The following DOCK11 variants were observed in gnomAD, a reference collection of about 807,000 sequenced individuals.
DOCK11 encodes dedicator of cytokinesis protein 11.
DOCK11 carries 70 observed loss-of-function variants against 169.1 expected under a neutral mutation model. The observed-to-expected ratio is 0.41, with a 90% CI of 0.34 to 0.51. The LOEUF (loss-of-function observed/expected upper bound fraction) is 0.51, where lower values mean the gene tolerates loss of function less well. Among genes scored for constraint, DOCK11 ranks in the 20% least tolerant of loss-of-function variants. The pLI is 0.10. For missense variants in DOCK11, 1,166 were observed against 1,538.8 expected, an observed-to-expected ratio of 0.76 and a Z score of 4.05; for synonymous variants, 529 against 541.3, an observed-to-expected ratio of 0.98 and a Z score of 0.32.
intron 6 of DOCK11, among the ~76,000 whole-genome samples, chrX:118,552,501 T>C (rs2012533849): frequency 8.9e-6 from 1 of 112,469 alleles, no homozygotes; most frequent in Non-Finnish European, 1.9e-5. Flanking sequence ...CCCCCTGCTC[T>C]GGTCAGTTGT....
chrX:118,665,217 C>G (rs1603178278), intron 45 of DOCK11, among the ~76,000 whole-genome samples: 1 of 112,428 alleles, frequency 8.9e-6, no homozygotes, highest in Admixed American at 9.4e-5. Context: ...TCCTTTTACC[C>G]TCAGAACCTA....
chrX:118,648,596 ATAATATAT>A (rs2015866544), intron 40 of DOCK11, among the ~76,000 whole-genome samples: 1 of 86,903 alleles, frequency 1.2e-5, no homozygotes, highest in Admixed American at 1.4e-4. Context: ...TATAATATAT[ATAATATAT>A]TAATATATAA....
chrX:118,600,768 A>G (rs1261510733), intron 23 of DOCK11, among the ~76,000 whole-genome samples: 1 of 110,549 alleles, frequency 9.0e-6, no homozygotes, highest in African/African-American at 3.3e-5. Flanking sequence ...TGAGAGTGCC[A>G]GCCATGTGGA....
rs774308257 is a variant in DOCK11, at chrX:118,610,916, G to A, written c.3096+498G>A. On this transcript the variant is annotated intron_variant, in intron 28 of 52. Coordinates refer to ENST00000276202, the MANE Select transcript of DOCK11 (RefSeq NM_144658.4). ...CAGCTGGGTGTGGTGGCAGGCACCT[G>A]TAATCCCAGCTACTTGGGAGGCTGA... Among the ~76,000 whole-genome samples, 14 of 111,220 alleles carry A rather than the reference G, an allele frequency of 1.3e-4. No homozygotes were observed. The East Asian group carries it at 3.4e-3, about 27-fold the overall frequency.
intron 28 of DOCK11, 118 bp downstream of exon 28, chrX:118,610,536 C>T: frequency 1.2e-6 from 1 of 802,124 alleles, no homozygotes; most frequent in Non-Finnish European, 1.7e-6. Context: ...TGTTGGAAAA[C>T]TTAGGTTGCT....
intron 1 of DOCK11, chrX:118,538,747 A>G: frequency 1.6e-6 from 1 of 616,493 alleles, no homozygotes; most frequent in Non-Finnish European, 1.9e-6. Flanking sequence ...GCACCTTTGC[A>G]GGCCAATCAG....
chrX:118,633,039 CT>C (rs1277220089), intron 35 of DOCK11: 1 of 106,855 alleles, frequency 9.4e-6, no homozygotes, highest in Non-Finnish European at 1.9e-5. Context: ...TGTGTCTTCA[CT>C]TTTCTCTTTA....
chrX:118,677,485 C>T (rs1177291528), intron 48 of DOCK11, among the ~76,000 whole-genome samples: 1 of 111,893 alleles, frequency 8.9e-6, no homozygotes, highest in East Asian at 2.8e-4. Flanking sequence ...GTAGGAAGCT[C>T]ATATAAAGTT....
At chrX:118,548,655 T>C (rs1389936287) in intron 6 of DOCK11, among the ~76,000 whole-genome samples, 2 of 111,345 alleles carry the variant, frequency 1.8e-5, no homozygotes, top group Non-Finnish European at 3.8e-5. Context: ...GCAGGCAGCT[T>C]CTAGAAGCCG....
intron 1 of DOCK11, among the ~76,000 whole-genome samples, chrX:118,542,145 G>A (rs926154171): frequency 9.1e-6 from 1 of 110,012 alleles, no homozygotes; most frequent in African/African-American, 3.3e-5. Flanking sequence ...CACAGATTAA[G>A]TAGAATAACA....
At chrX:118,657,546 A>T (rs148475196) in intron 44 of DOCK11, among the ~76,000 whole-genome samples, 8 of 112,058 alleles carry the variant, frequency 7.1e-5, no homozygotes, top group Non-Finnish European at 1.3e-4. Context: ...TAAATTAGAA[A>T]ACCTTATTCT....
chrX:118,588,432 G>A lies in DOCK11; in HGVS notation c.2000G>A (p.Cys667Tyr). The change falls in exon 18 of 53, where the codon TGT becomes TAT. Residue 667 changes from cysteine (C) to tyrosine (Y), a missense_variant. Cys to Tyr is a radical substitution (Grantham distance 194). Coordinates refer to ENST00000276202, the MANE Select transcript of DOCK11 (RefSeq NM_144658.4). ...TTTTAGGCAAGGAACATTGCAGTCT[G>A]TGTGGAATTCCGGGATTCAGATGAA... ...TFAKARNIAVCVEFRDSDESD... is the reference protein window; with the variant it reads ...TFAKARNIAVYVEFRDSDESD... 8.4e-7 allele frequency: 1 copy of A among 1,192,427 alleles called. No individual in the cohort carries two copies. Among genetic ancestry groups the A allele is most frequent in the South Asian group, 1.9e-5 (1 of 53,201 alleles).
intron 48 of DOCK11, among the ~76,000 whole-genome samples, 183 bp downstream of exon 48, chrX:118,676,920 T>A (rs1324686747): frequency 9.0e-6 from 1 of 111,596 alleles, no homozygotes; most frequent in African/African-American, 3.3e-5. Flanking sequence ...TCTCTGCCAC[T>A]CACTAGCTGT....
At chrX:118,542,692 A>G in intron 1 of DOCK11, 33 bp from the exon 2 acceptor site, 1 of 1,031,263 alleles carries the variant, frequency 9.7e-7, no homozygotes, top group Non-Finnish European at 1.4e-6. Flanking sequence ...TGTGAGTTTG[A>G]TCATAATAAC....
intron 24 of DOCK11, among the ~76,000 whole-genome samples, chrX:118,607,531 C>T (rs1331924393): frequency 4.7e-5 from 5 of 105,333 alleles, no homozygotes; most frequent in Non-Finnish European, 9.7e-5. Context: ...ACGCCATTCT[C>T]CTGCCTCAGC....
At chrX:118,549,862 T>C (rs1277287357) in intron 6 of DOCK11, among the ~76,000 whole-genome samples, 2 of 112,035 alleles carry the variant, frequency 1.8e-5, no homozygotes, top group Non-Finnish European at 3.8e-5. Flanking sequence ...CCACCATGCC[T>C]GGCTACTACA....
chrX:118,625,338 G>T (rs2015076873), intron 32 of DOCK11, among the ~76,000 whole-genome samples: 1 of 110,225 alleles, frequency 9.1e-6, no homozygotes, highest in African/African-American at 3.3e-5. Context: ...TGTATATTTA[G>T]TAGAGACGGT....
intron 30 of DOCK11, among the ~76,000 whole-genome samples, chrX:118,616,507 TG>T (rs781540210): frequency 3.7e-5 from 4 of 108,724 alleles, no homozygotes; most frequent in Non-Finnish European, 7.6e-5. Flanking sequence ...AGGCCATGGA[TG>T]GGGAACTGGA....
At chrX:118,636,447 C>T in intron 36 of DOCK11, 35 bp downstream of exon 36, 1 of 787,616 alleles carries the variant, frequency 1.3e-6, no homozygotes, top group East Asian at 3.7e-5. Flanking sequence ...TATACTTTCC[C>T]CTTATTTGGG....
Sources: gnomAD v4.1 joint callset for allele counts (sites outside exome capture counted in the v4.1 genomes callset) on GRCh38, gnomAD v4.1.1 for gene constraint, MANE v1.5 for transcripts, NCBI Gene and HGNC (gene_info 2026-07-23, HGNC 2026-07-21) for gene names.